The following WAC variants were observed in gnomAD, a reference collection of about 807,000 sequenced individuals.
WAC encodes the protein WW domain-containing adapter protein with coiled-coil.
In WAC, 11 loss-of-function variants were observed where a neutral mutation model predicts 79.6. The observed-to-expected ratio is 0.14, with a 90% confidence interval of 0.09 to 0.23. The LOEUF is 0.23. Ranked by LOEUF, WAC falls within the 10% of genes least tolerant of loss-of-function variation. The pLI is 1.00. For synonymous variants in WAC, 304 were observed against 276.9 expected (o/e 1.10, Z -0.97); for missense variants, 728 against 773.5 (o/e 0.94, Z 0.70).
chr10:28,542,962 C>T (rs1358703049), intron 3 of WAC, among the ~76,000 whole-genome samples: 1 of 152,178 alleles, frequency 6.6e-6, no homozygotes, highest in Non-Finnish European at 1.5e-5. Flanking sequence ...TTTTTATCCA[C>T]CTTGTATTCC....
chr10:28,592,823 G>A (rs1309876828), intron 6 of WAC, among the ~76,000 whole-genome samples: 1 of 152,012 alleles, frequency 6.6e-6, no homozygotes, highest in Non-Finnish European at 1.5e-5. Flanking sequence ...ACATATGTAT[G>A]TATTTGAAAA....
chr10:28,567,216 TTATC>T (rs1421559592), intron 3 of WAC, among the ~76,000 whole-genome samples: 8 of 151,944 alleles, frequency 5.3e-5, no homozygotes, highest in South Asian at 2.1e-4. Context: ...TGGGGGGACT[TTATC>T]TAAAGTTTTT....
At chr10:28,549,931 G>A (rs2132413455) in intron 3 of WAC, among the ~76,000 whole-genome samples, 1 of 152,196 alleles carries the variant, frequency 6.6e-6, no homozygotes, top group African/African-American at 2.4e-5. Flanking sequence ...TTGAGGTCCC[G>A]AGGTGGATGG....
In WAC at chr10:28,616,182, A is replaced by G. The variant is rs373254883; in HGVS notation, c.1566A>G (p.Arg522=). The part of the protein sequence containing the change: ...PRSLQRSSSQ[R]SPSPGPNHTS... ...CAATTCTGTTTTCTAGTAGCCAGAGAAGTCCATCACCTGGTCCCAATCATA... is the reference window on the plus strand; with the variant it reads ...CAATTCTGTTTTCTAGTAGCCAGAGGAGTCCATCACCTGGTCCCAATCATA... The change falls in exon 12 of 14, where the codon AGA becomes AGG. Residue 522 remains arginine (R), a synonymous_variant. Transcript: ENST00000354911. 7 of 1,593,450 alleles carry G rather than the reference A, an allele frequency of 4.4e-6. No homozygotes were observed. The highest frequency in any genetic ancestry group is 1.7e-4 in the Middle Eastern group (1 of 5,998).
At chr10:28,608,468 C>T (rs764235133) in intron 8 of WAC, 37 bp downstream of exon 8, 24 of 1,532,744 alleles carry the variant, frequency 1.6e-5, no homozygotes, top group South Asian at 3.7e-5. Context: ...AATTTATTTG[C>T]ATTGTGCAAA....
intron 3 of WAC, among the ~76,000 whole-genome samples, chr10:28,579,967 T>A (rs1380164118): frequency 6.8e-6 from 1 of 146,384 alleles, no homozygotes; most frequent in Non-Finnish European, 1.5e-5. Context: ...GAAATCTGTT[T>A]AAGAATGTTA....
chr10:28,558,274 A>T (rs1449735422), intron 3 of WAC, among the ~76,000 whole-genome samples: 1 of 151,826 alleles, frequency 6.6e-6, no homozygotes, highest in African/African-American at 2.4e-5. Context: ...TAAAGATTTT[A>T]TTGAGGAGAG....
chr10:28,602,156 G>C (rs983754871), intron 7 of WAC, among the ~76,000 whole-genome samples: 2 of 152,198 alleles, frequency 1.3e-5, no homozygotes, highest in African/African-American at 4.8e-5. Flanking sequence ...GACAACAATT[G>C]AATGTTGGGA....
chr10:28,576,952 T>G (rs1839273500), intron 3 of WAC, among the ~76,000 whole-genome samples: 1 of 152,306 alleles, frequency 6.6e-6, no homozygotes, highest in Admixed American at 6.5e-5. Flanking sequence ...GAATCTAGTA[T>G]CTATTTTACA....
chr10:28,545,324 C>T lies in WAC; in HGVS notation c.274+9567C>T, dbSNP rs145603773. Reference sequence around the variant, plus strand: ...CCAATGTGGAGAAACCCCATCTCTACTAAAAATACAAAATTAGGCATGGTG... The same window carrying T: ...CCAATGTGGAGAAACCCCATCTCTATTAAAAATACAAAATTAGGCATGGTG... On this transcript the variant is annotated intron_variant, in intron 3 of 13. Transcript: ENST00000354911. 7.7e-4 allele frequency among the ~76,000 whole-genome samples: 117 copies of T among 152,038 alleles called. No homozygotes were observed. The East Asian group carries it at 0.02, about 26-fold the overall frequency.
intron 3 of WAC, among the ~76,000 whole-genome samples, chr10:28,548,364 C>A (rs1800016383): frequency 6.6e-6 from 1 of 152,078 alleles, no homozygotes. Context: ...CCTTTTAGAA[C>A]TCCTGTTAGA....
At chr10:28,554,226 C>T (rs556549637) in intron 3 of WAC, among the ~76,000 whole-genome samples, 1 of 152,124 alleles carries the variant, frequency 6.6e-6, no homozygotes. Flanking sequence ...TACTACACTA[C>T]TTCATATAAG....
intron 3 of WAC, 144 bp downstream of exon 3, chr10:28,535,901 C>A: frequency 1.4e-6 from 1 of 730,804 alleles, no homozygotes; most frequent in Non-Finnish European, 2.1e-6. Context: ...TTTTTTTACT[C>A]TGAACAAGTT....
intron 7 of WAC, among the ~76,000 whole-genome samples, chr10:28,599,556 G>A (rs1027337706): frequency 6.6e-6 from 1 of 152,146 alleles, no homozygotes; most frequent in African/African-American, 2.4e-5. Flanking sequence ...TGAGAGTTGG[G>A]AGCACTTGCA....
intron 7 of WAC, among the ~76,000 whole-genome samples, chr10:28,602,685 A>G (rs1840700901): frequency 6.6e-6 from 1 of 152,198 alleles, no homozygotes; most frequent in African/African-American, 2.4e-5. Flanking sequence ...TACCAGAAAA[A>G]TATAGGTAAG....
rs1841699724 is a variant in WAC at position 28,621,740 on chromosome 10, A to T, written c.*2134A>T. The T allele has an allele frequency of 6.6e-6, 1 of 152,216 alleles. No individual in the cohort carries two copies. The highest frequency in any genetic ancestry group is 2.4e-5 in the African/African-American group (1 of 41,456). 9.4% of individuals were successfully genotyped at this position (152,216 alleles called of 1,614,324 possible). ...CTGATCAGATGGCAATTTGTGATTT[A>T]GGTAAATTTGAATTTGATTTGCTTA... On this transcript the variant is annotated 3_prime_UTR_variant, in exon 14 of 14. Transcript: ENST00000354911.
intron 3 of WAC, among the ~76,000 whole-genome samples, chr10:28,563,744 C>CTTTGTTTTTTTTTTTTTTTTT: frequency 1.5e-5 from 1 of 67,936 alleles, no homozygotes; most frequent in Non-Finnish European, 2.6e-5. Context: ...CTACACCCAG[C>CTTTGTTTTTTTTTTTTTTTTT]TTTTTTTTTT....
Position 28,583,499 on chromosome 10 carries a change from A to C in WAC, c.375A>C (p.Ser125=). Residue 125 remains serine, a synonymous_variant, in exon 4 of 14, where the codon TCA becomes TCC. Transcript: ENST00000354911. ...SNPSNNPSKT[S]DAPYDSADDW... is the part of the protein sequence containing the mutation. The stretch of plus-strand genomic sequence containing the variant: ...CAAGCAATAACCCAAGCAAAACTTC[A>C]GATGCAGTAAGTATTATAAACATGT... 1 of 1,570,474 alleles carries C rather than the reference A, an allele frequency of 6.4e-7. No homozygotes were observed. The highest frequency in any genetic ancestry group is 2.3e-5 in the East Asian group (1 of 42,580).
intron 3 of WAC, among the ~76,000 whole-genome samples, chr10:28,567,968 G>A (rs1441082493): frequency 6.6e-6 from 1 of 152,132 alleles, no homozygotes; most frequent in East Asian, 1.9e-4. Flanking sequence ...GAACTCCTGG[G>A]CTCAAGTGAT....
Sources: gnomAD v4.1 joint callset for allele counts (sites outside exome capture counted in the v4.1 genomes callset) on GRCh38, gnomAD v4.1.1 for gene constraint, MANE v1.5 for transcripts, NCBI Gene and HGNC (gene_info 2026-07-23, HGNC 2026-07-21) for gene names.